The following IFNG-AS1 variants were observed in gnomAD, a reference collection of about 807,000 sequenced individuals.
IFNG-AS1 encodes the protein IFNG antisense RNA 1 (non-protein coding).
chr12:67,993,257 A>C (rs998093812), intron 1 of IFNG-AS1, among the ~76,000 whole-genome samples: 8 of 152,210 alleles, frequency 5.3e-5, no homozygotes, highest in African/African-American at 1.9e-4. Flanking sequence ...TACGCAGTTC[A>C]TGATGTACTT....
At chr12:68,010,315 T>C (rs1592827089) in intron 3 of IFNG-AS1, among the ~76,000 whole-genome samples, 2 of 152,288 alleles carry the variant, frequency 1.3e-5, no homozygotes, top group East Asian at 3.9e-4. Flanking sequence ...TAGGCCTCTT[T>C]AAAGAAAAAA....
At chr12:68,016,838 T>G (rs1378732494) in intron 3 of IFNG-AS1, among the ~76,000 whole-genome samples, 1 of 152,154 alleles carries the variant, frequency 6.6e-6, no homozygotes, top group Non-Finnish European at 1.5e-5. Flanking sequence ...ACTCTGTCTA[T>G]CACTTGTTCA....
intron 3 of IFNG-AS1, among the ~76,000 whole-genome samples, chr12:68,015,135 A>C (rs745952759): frequency 1.3e-5 from 2 of 152,118 alleles, no homozygotes; most frequent in Non-Finnish European, 2.9e-5. Flanking sequence ...ACCAATCAAA[A>C]ACACCGTAAG....
chr12:67,990,056 C>T (rs950569078), intron 1 of IFNG-AS1, among the ~76,000 whole-genome samples: 1 of 152,076 alleles, frequency 6.6e-6, no homozygotes, highest in African/African-American at 2.4e-5. Context: ...GTGGTGAGTG[C>T]CATGTCACAT....
intron 2 of IFNG-AS1, among the ~76,000 whole-genome samples, chr12:68,003,659 A>C (rs1879834491): frequency 6.6e-6 from 1 of 152,114 alleles, no homozygotes; most frequent in Non-Finnish European, 1.5e-5. Context: ...TCACGCCTGT[A>C]ATCCCAGCAC....
intron 2 of IFNG-AS1, among the ~76,000 whole-genome samples, chr12:67,999,658 G>C (rs555371173): frequency 1.5e-4 from 23 of 152,184 alleles, no homozygotes; most frequent in East Asian, 3.9e-4. Context: ...CTAGCAAATG[G>C]GAGAGAAGGG....
intron 2 of IFNG-AS1, among the ~76,000 whole-genome samples, chr12:68,003,054 G>A (rs1879810091): frequency 6.6e-6 from 1 of 151,994 alleles, no homozygotes; most frequent in South Asian, 2.1e-4. Flanking sequence ...TAATTGCAAT[G>A]TTTCTTTTAC....
chr12:68,009,957 A>T (rs1461802225), intron 3 of IFNG-AS1, among the ~76,000 whole-genome samples: 2 of 152,230 alleles, frequency 1.3e-5, no homozygotes, highest in East Asian at 3.8e-4. Flanking sequence ...TAAGAAATTG[A>T]AAGTGTTGAT....
chr12:68,003,155 T>C (rs1032201053), intron 2 of IFNG-AS1, among the ~76,000 whole-genome samples: 18 of 152,248 alleles, frequency 1.2e-4, no homozygotes, highest in African/African-American at 4.3e-4. Flanking sequence ...AAATATCTCA[T>C]TATTTCATTT....
intron 2 of IFNG-AS1, among the ~76,000 whole-genome samples, chr12:67,997,445 A>G (rs779205866): frequency 3.3e-5 from 5 of 152,172 alleles, no homozygotes; most frequent in Middle Eastern, 3.4e-3. Context: ...GGTATTGGGA[A>G]TGAAATAAGT....
chr12:67,995,353 G>A (rs1342884874), intron 1 of IFNG-AS1, among the ~76,000 whole-genome samples: 8 of 150,326 alleles, frequency 5.3e-5, no homozygotes, highest in South Asian at 4.2e-4. Flanking sequence ...CCCAGGAAGC[G>A]GAGGCTGCAG....
At chr12:68,002,931 C>G (rs1045985024) in intron 2 of IFNG-AS1, among the ~76,000 whole-genome samples, 3 of 152,184 alleles carry the variant, frequency 2.0e-5, no homozygotes, top group African/African-American at 7.2e-5. Context: ...AACTGGAGAA[C>G]TGAGATAATC....
intron 2 of IFNG-AS1, among the ~76,000 whole-genome samples, chr12:68,005,058 C>CA (rs1879875636): frequency 6.6e-6 from 1 of 152,136 alleles, no homozygotes; most frequent in Non-Finnish European, 1.5e-5. Context: ...GGACAAGGTG[C>CA]AAAGACAGAA....
intron 4 of IFNG-AS1, chr12:68,020,424 A>C (rs374484116): frequency 6.6e-6 from 1 of 152,198 alleles, no homozygotes; most frequent in East Asian, 1.9e-4. Flanking sequence ...CTTGTACACC[A>C]AAATATTAAA....
At chr12:68,017,114 G>A (rs952243611) in intron 3 of IFNG-AS1, among the ~76,000 whole-genome samples, 3 of 152,208 alleles carry the variant, frequency 2.0e-5, no homozygotes, top group Admixed American at 6.5e-5. Context: ...AGCCAAGTAT[G>A]GAAACAGTCT....
intron 1 of IFNG-AS1, among the ~76,000 whole-genome samples, chr12:67,992,189 T>C (rs1879533186): frequency 6.6e-6 from 1 of 152,246 alleles, no homozygotes; most frequent in East Asian, 1.9e-4. Flanking sequence ...TGTCCCTAGA[T>C]GTTATATGAA....
chr12:67,995,442 G>T (rs11176999), intron 1 of IFNG-AS1, among the ~76,000 whole-genome samples: 44,099 of 130,572 alleles, frequency 0.34, 8,666 homozygotes, highest in Middle Eastern at 0.46. Context: ...AAAAAAAAGG[G>T]CCGCGCACTG....
intron 2 of IFNG-AS1, among the ~76,000 whole-genome samples, chr12:67,997,365 T>C (rs573543168): frequency 4.6e-4 from 70 of 152,240 alleles, no homozygotes; most frequent in Non-Finnish European, 8.8e-4. Flanking sequence ...AAATTTAGTA[T>C]ATGATAAGTG....
At chr12:68,017,230 G>A (rs184785878) in intron 3 of IFNG-AS1, among the ~76,000 whole-genome samples, 8 of 152,234 alleles carry the variant, frequency 5.3e-5, no homozygotes, top group Admixed American at 1.3e-4. Context: ...CAAGAGGAAC[G>A]GTGGTATGAA....
Sources: allele counts gnomAD v4.1 joint callset (sites outside exome capture counted in the v4.1 genomes callset), GRCh38; gene constraint gnomAD v4.1.1; transcripts MANE v1.5; gene names NCBI Gene and HGNC (gene_info 2026-07-23, HGNC 2026-07-21).